The following ABCA13 variants were observed in gnomAD, a reference collection of about 807,000 sequenced individuals.
ABCA13 encodes the protein ATP-binding cassette sub-family A member 13.
ABCA13 carries 476 observed loss-of-function variants against 478.7 expected under a neutral mutation model. The ratio of observed to expected loss-of-function variants is 0.99; its 90% CI spans 0.92 to 1.07. The LOEUF (loss-of-function observed/expected upper bound fraction) is 1.07. Ranked by LOEUF, ABCA13 falls within the 50% of genes least tolerant of loss-of-function variation. The probability of loss-of-function intolerance (pLI) is 0.00; values close to 1 mark genes in which losing one functional copy is unlikely to be tolerated. For missense variants in ABCA13, 6,060 were observed against 5,910.6 expected, an observed-to-expected ratio of 1.03 and a Z score of -0.83; for synonymous variants, 2,252 against 2,158.9, an observed-to-expected ratio of 1.04 and a Z score of -1.20.
At chr7:48,431,181 T>A (rs931832322) in intron 42 of ABCA13, among the ~76,000 whole-genome samples, 7 of 152,130 alleles carry the variant, frequency 4.6e-5, no homozygotes, top group African/African-American at 1.4e-4. Flanking sequence ...TTTATTGTAA[T>A]CTGAAAGAAA....
intron 41 of ABCA13, among the ~76,000 whole-genome samples, chr7:48,418,726 A>G (rs943809158): frequency 6.6e-6 from 1 of 152,144 alleles, no homozygotes; most frequent in Admixed American, 6.6e-5. Flanking sequence ...TATTTTTTCT[A>G]CTATTTATAT....
At chr7:48,635,435 C>T (rs1794555112) in intron 59 of ABCA13, among the ~76,000 whole-genome samples, 1 of 152,154 alleles carries the variant, frequency 6.6e-6, no homozygotes, top group Admixed American at 6.5e-5. Flanking sequence ...AGGACAGTGA[C>T]CTCAGATTCT....
intron 56 of ABCA13, 68 bp downstream of exon 56, chr7:48,580,442 C>T (rs1381809992): frequency 6.7e-7 from 1 of 1,502,410 alleles, no homozygotes; most frequent in East Asian, 2.4e-5. Flanking sequence ...ACCTCTGGCT[C>T]CAAGGCAGCT....
At chr7:48,249,114 C>A in intron 14 of ABCA13, 98 bp from the exon 15 acceptor site, 2 of 1,003,932 alleles carry the variant, frequency 2.0e-6, no homozygotes, top group Non-Finnish European at 2.9e-6. Context: ...GACTGCCATG[C>A]ATTTGCATAT....
In ABCA13 at chr7:48,274,758, A is replaced by C; in HGVS notation, c.5092A>C (p.Ser1698Arg). 1 of 1,613,982 alleles carries C rather than the reference A, an allele frequency of 6.2e-7. No homozygotes were observed. Among genetic ancestry groups the C allele is most frequent in the South Asian group, 1.1e-5 (1 of 91,078 alleles). Reference protein sequence around the residue: ...NLMDFFKNISSVGTGNLVVNL... With the variant: ...NLMDFFKNISRVGTGNLVVNL... ...AATGGATTTCTTTAAGAATATCAGT[A>C]GTGTGGGAACTGGCAATTTAGTGGT... The change falls in exon 17 of 62, where the codon AGT becomes CGT. Residue 1698 changes from serine to arginine, a missense_variant. Around this residue, in one of 3 missense-constraint regions of ABCA13, gnomAD observed 4,423 missense variants for 4,309.1 expected, o/e 1.03. Transcript: ENST00000435803.
At chr7:48,365,467 G>A (rs772182656) in intron 31 of ABCA13, among the ~76,000 whole-genome samples, 37 of 152,064 alleles carry the variant, frequency 2.4e-4, no homozygotes, top group Non-Finnish European at 4.3e-4. Flanking sequence ...TGCTTTTGAG[G>A]TCTTACACAA....
chr7:48,458,219 A>G (rs1825874594), intron 43 of ABCA13, among the ~76,000 whole-genome samples: 1 of 152,198 alleles, frequency 6.6e-6, no homozygotes, highest in African/African-American at 2.4e-5. Flanking sequence ...TCTGAGCACC[A>G]TGATCTAAAT....
chr7:48,321,416 T>C (rs1452971522), intron 27 of ABCA13, among the ~76,000 whole-genome samples: 1 of 152,156 alleles, frequency 6.6e-6, no homozygotes, highest in Non-Finnish European at 1.5e-5. Context: ...GCTTCTCCTC[T>C]ACTGGTGATG....
chr7:48,322,583 G>A (rs116986309), intron 27 of ABCA13, among the ~76,000 whole-genome samples: 1,929 of 152,220 alleles, frequency 0.013, 15 homozygotes, highest in Non-Finnish European at 0.02. Context: ...CAGGGCAGCC[G>A]GTGCTCCTAC....
At chr7:48,607,434 C>T (rs1233349697) in intron 58 of ABCA13, among the ~76,000 whole-genome samples, 1 of 151,796 alleles carries the variant, frequency 6.6e-6, no homozygotes, top group African/African-American at 2.4e-5. Context: ...TGCAGAATCA[C>T]CCACCTTCTG....
rs375138665 is a variant in ABCA13, at chr7:48,471,464, T to C, written c.12906-66T>C. ...TCTGTTCTAGTCTGATGAAACTCTC[T>C]TTTATGGAAATACAATGGCTTTGTA... On this transcript the variant is annotated intron_variant, in intron 44 of 61. Coordinates refer to ENST00000435803, the MANE Select transcript of ABCA13 (RefSeq NM_152701.5). 95 of 1,422,334 alleles carry C rather than the reference T, an allele frequency of 6.7e-5. No homozygotes were observed. The African/African-American group carries it at 1.2e-3, about 18-fold the overall frequency. 88.1% of individuals were successfully genotyped at this position (1,422,334 alleles called of 1,614,324 possible). A position where few individuals can be genotyped will look rare whatever the true frequency, so the allele number is the denominator to read the frequency against.
At chr7:48,249,480 T>G (rs1439886468) in intron 15 of ABCA13, 129 bp downstream of exon 15, 3 of 1,223,480 alleles carry the variant, frequency 2.5e-6, no homozygotes, top group Admixed American at 4.7e-5. Context: ...AAGCACAATT[T>G]GGCATTGTGA....
In ABCA13 at chr7:48,272,094, C is replaced by A. The variant is rs764478145; in HGVS notation, c.2428C>A (p.His810Asn). The A allele has an allele frequency of 4.3e-6, 7 of 1,613,640 alleles. No homozygotes were observed. The South Asian group carries it at 6.6e-5, about 15-fold the overall frequency. The change falls in exon 17 of 62, where the codon CAC becomes AAC. Residue 810 changes from histidine to asparagine, a missense_variant. This residue lies in a region of ABCA13 where 4,423 missense variants were observed against 4,309.1 expected (regional missense o/e 1.03). Transcript: ENST00000435803. ...TTGGAAAATGCAGACTCTCGGAAGT[C>A]ACTGGATAAGGAAGGAACCAAAAAA... ...VIWKMQTLGS[H>N]WIRKEPKNLL...
At chr7:48,388,082 T>G (rs1034989775) in intron 36 of ABCA13, 123 bp downstream of exon 36, 7 of 1,044,834 alleles carry the variant, frequency 6.7e-6, no homozygotes, top group African/African-American at 1.6e-5. Flanking sequence ...AGACTTACAT[T>G]TAGGCTGTCT....
intron 3 of ABCA13, among the ~76,000 whole-genome samples, chr7:48,205,724 T>A (rs765139122): frequency 7.9e-5 from 12 of 152,260 alleles, no homozygotes; most frequent in Non-Finnish European, 1.3e-4. Flanking sequence ...AGCTTTATAG[T>A]ATTTTTTCAT....
intron 23 of ABCA13, 138 bp from the exon 24 acceptor site, chr7:48,309,809 C>G: frequency 1.2e-6 from 1 of 841,630 alleles, no homozygotes; most frequent in Non-Finnish European, 1.8e-6. Context: ...AGTTTGGGCT[C>G]CCCGCATCTG....
intron 56 of ABCA13, among the ~76,000 whole-genome samples, chr7:48,581,653 AG>A (rs1788722790): frequency 6.6e-6 from 1 of 152,216 alleles, no homozygotes; most frequent in African/African-American, 2.4e-5. Flanking sequence ...TCTGTCATTC[AG>A]GGCAATTGTG....
chr7:48,266,426 T>A (rs1170286739), intron 15 of ABCA13, among the ~76,000 whole-genome samples: 2 of 151,802 alleles, frequency 1.3e-5, no homozygotes, highest in African/African-American at 4.8e-5. Flanking sequence ...AGATATTTAA[T>A]TACAAATTCA....
chr7:48,248,130 C>G (rs1791983324), intron 13 of ABCA13, 109 bp from the exon 14 acceptor site: 1 of 842,676 alleles, frequency 1.2e-6, no homozygotes, highest in Admixed American at 2.5e-5. Context: ...CTTTGATGTA[C>G]AGTTTGAGTG....
Sources: gnomAD v4.1 joint callset for allele counts (sites outside exome capture counted in the v4.1 genomes callset) on GRCh38, gnomAD v4.1.1 for gene constraint, gnomAD v4.1.1 regional missense constraint, MANE v1.5 for transcripts, NCBI Gene and HGNC (gene_info 2026-07-23, HGNC 2026-07-21) for gene names.